Variants in CATSPERB observed in about 807,000 individuals in gnomAD.
CATSPERB encodes catsper channel auxiliary subunit beta.
In CATSPERB, 93 loss-of-function variants were observed where a neutral mutation model predicts 128.3. The ratio of observed to expected loss-of-function variants is 0.72; its 90% CI spans 0.61 to 0.86. The LOEUF is 0.86. CATSPERB is among the 40% of genes least tolerant of loss of function. The pLI is 0.00. For synonymous variants in CATSPERB, 381 were observed against 448.8 expected (o/e 0.85, Z 1.91); for missense variants, 1,153 against 1,329.5 (o/e 0.87, Z 2.06).
intron 20 of CATSPERB, among the ~76,000 whole-genome samples, chr14:91,614,630 A>G (rs898678470): frequency 2.0e-5 from 3 of 151,718 alleles, no homozygotes; most frequent in Non-Finnish European, 2.9e-5. Flanking sequence ...GTAAAACTCC[A>G]TCTTTACTAA....
At chr14:91,599,959 T>C (rs914579152) in intron 22 of CATSPERB, among the ~76,000 whole-genome samples, 3 of 152,220 alleles carry the variant, frequency 2.0e-5, no homozygotes, top group African/African-American at 7.2e-5. Context: ...TTAGTGATAT[T>C]GGGGGCCCAA....
chr14:91,670,189 T>A (rs1291934453), intron 13 of CATSPERB, among the ~76,000 whole-genome samples: 1 of 152,208 alleles, frequency 6.6e-6, no homozygotes, highest in Non-Finnish European at 1.5e-5. Flanking sequence ...GGAGATTAAA[T>A]AACTTGTTGA....
At chr14:91,582,083 G>A (rs191918376) in intron 26 of CATSPERB, among the ~76,000 whole-genome samples, 95 of 152,238 alleles carry the variant, frequency 6.2e-4, no homozygotes, top group Admixed American at 3.3e-3. Context: ...TTTCAGTACT[G>A]CTACTGTGAT....
In CATSPERB at chr14:91,581,046, G is replaced by A. The variant is rs762507130; in HGVS notation, c.3194C>T (p.Ala1065Val). ...AAAAATTAATCCCCCTAGCACTACC[G>A]CTGTTGCCACGGCAATAAGCGTGTG... ...PGHTLIAVAT[A>V]VVLGGLIFIA... Residue 1065 changes from alanine (A) to valine (V), a missense_variant, in exon 27 of 27, where the codon GCG becomes GTG. Ala to Val is a moderately conservative substitution (Grantham distance 64). Transcript: ENST00000256343. 2 of 1,614,192 alleles carry A rather than the reference G, an allele frequency of 1.2e-6. No homozygotes were observed. The highest frequency in any genetic ancestry group is 1.6e-4 in the Middle Eastern group (1 of 6,062).
At chr14:91,591,769 A>G in intron 23 of CATSPERB, 123 bp downstream of exon 23, 1 of 686,652 alleles carries the variant, frequency 1.5e-6, no homozygotes, top group Admixed American at 2.5e-5. Flanking sequence ...TGTCATATTT[A>G]GCTCTGCATC....
chr14:91,687,614 T>C lies in CATSPERB; in HGVS notation c.865-3671A>G, dbSNP rs149662175. On this transcript the variant is annotated intron_variant, in intron 10 of 26. Coordinates refer to ENST00000256343, the MANE Select transcript of CATSPERB (RefSeq NM_024764.4). ...TCTGTATAAGCCACCCAGTCTATGG[T>C]AATTTTGTTATAGCAGCCCACATTG... 1.4e-3 allele frequency among the ~76,000 whole-genome samples: 212 copies of C among 152,274 alleles called. 3 individuals carry two copies. In the Middle Eastern group the frequency reaches 0.051, roughly 37 times the overall value.
At chr14:91,698,086 C>A (rs1393742105) in intron 7 of CATSPERB, among the ~76,000 whole-genome samples, 1 of 151,994 alleles carries the variant, frequency 6.6e-6, no homozygotes, top group Non-Finnish European at 1.5e-5. Context: ...TTGTAGAGAT[C>A]TTTCACCTCC....
At chr14:91,669,096 C>A (rs191352272) in intron 14 of CATSPERB, among the ~76,000 whole-genome samples, 33 of 152,256 alleles carry the variant, frequency 2.2e-4, no homozygotes, top group African/African-American at 7.9e-4. Context: ...TGGATTAATA[C>A]ATAAACATTT....
At chr14:91,668,993 G>C (rs964857249) in intron 14 of CATSPERB, among the ~76,000 whole-genome samples, 1 of 152,144 alleles carries the variant, frequency 6.6e-6, no homozygotes, top group South Asian at 2.1e-4. Flanking sequence ...AGTTTTCCAA[G>C]GCCTTCCCAG....
chr14:91,652,796 A>G (rs1166110600), intron 15 of CATSPERB, among the ~76,000 whole-genome samples: 2 of 151,676 alleles, frequency 1.3e-5, no homozygotes, highest in African/African-American at 4.8e-5. Flanking sequence ...ACTTTCATTT[A>G]TTTCACAATC....
At chr14:91,715,610 T>A (rs1394629476) in intron 5 of CATSPERB, among the ~76,000 whole-genome samples, 1 of 150,684 alleles carries the variant, frequency 6.6e-6, no homozygotes, top group Non-Finnish European at 1.5e-5. Context: ...ATCTATAGAT[T>A]CAATGCAATA....
At chr14:91,722,064 T>C (rs904683095) in intron 4 of CATSPERB, among the ~76,000 whole-genome samples, 4 of 151,954 alleles carry the variant, frequency 2.6e-5, no homozygotes, top group East Asian at 1.9e-4. Context: ...AGAAAAGAAA[T>C]TGGAATTCTA....
intron 22 of CATSPERB, among the ~76,000 whole-genome samples, chr14:91,595,325 A>G (rs1239091959): frequency 6.6e-6 from 1 of 151,520 alleles, no homozygotes; most frequent in Non-Finnish European, 1.5e-5. Flanking sequence ...TTTTTAATTT[A>G]TTTATTTTTA....
At chr14:91,673,881 C>CA (rs139506642) in intron 12 of CATSPERB, among the ~76,000 whole-genome samples, 1,420 of 136,442 alleles carry the variant, frequency 0.01, 37 homozygotes, top group Admixed American at 0.049. Context: ...GACTCTGTCT[C>CA]AAAAAAAAAA....
chr14:91,669,739 T>C, intron 14 of CATSPERB, 75 bp downstream of exon 14: 9 of 1,389,466 alleles, frequency 6.5e-6, no homozygotes, highest in Non-Finnish European at 8.7e-6. Flanking sequence ...GCTCTGTTCT[T>C]AATGTACAGC....
At chr14:91,604,852 G>A (rs1893670344) in intron 22 of CATSPERB, 4 of 1,449,552 alleles carry the variant, frequency 2.8e-6, no homozygotes, top group Admixed American at 1.7e-5. Flanking sequence ...TTGGCCAGTT[G>A]TTTTCCTGCC....
rs530425151 is a variant in CATSPERB, at chr14:91,718,499, T to C, written c.370+919A>G. Among the ~76,000 whole-genome samples the C allele has an allele frequency of 4.4e-4, 67 of 152,248 alleles. 1 individual carries two copies. Among genetic ancestry groups the C allele is most frequent in the Non-Finnish European group, 6.5e-4 (44 of 68,004 alleles). ...TCCCCCATCCCACTCTCCCAATCCA[T>C]ATTTGCTTGGTGCACAGGTGGATGC... On this transcript the variant is annotated intron_variant, in intron 5 of 26. Coordinates refer to ENST00000256343, the MANE Select transcript of CATSPERB (RefSeq NM_024764.4).
Position 91,672,941 on chromosome 14 carries a change from T to G in CATSPERB, c.1054A>C (p.Lys352Gln), listed in dbSNP as rs1895124834. The G allele has an allele frequency of 6.2e-7, 1 of 1,603,904 alleles. No individual in the cohort carries two copies. The highest frequency in any genetic ancestry group is 8.5e-7 in the Non-Finnish European group (1 of 1,177,856). Residue 352 changes from lysine to glutamine, a missense_variant, in exon 13 of 27, where the codon AAA (lysine) becomes CAA (glutamine). By Grantham distance (53) the Lys-to-Gln change is moderately conservative (BLOSUM62 1). Transcript: ENST00000256343. ...PCLPHIFKGI[K>Q]IFPTVLTFLV... ...AATGTTAGCACAGTTGGAAAAATTT[T>G]TATTCCTTTAAAAATGTGAGGTAAG...
intron 19 of CATSPERB, among the ~76,000 whole-genome samples, chr14:91,620,079 T>C (rs976714434): frequency 1.3e-5 from 2 of 152,050 alleles, no homozygotes; most frequent in Admixed American, 6.6e-5. Flanking sequence ...CCAGGTGTTA[T>C]TATTTCTCAG....
Sources: allele counts gnomAD v4.1 joint callset (sites outside exome capture counted in the v4.1 genomes callset), GRCh38; gene constraint gnomAD v4.1.1; transcripts MANE v1.5; gene names NCBI Gene and HGNC (gene_info 2026-07-23, HGNC 2026-07-21).